Variants in TMEM132B observed in about 807,000 individuals in gnomAD.
TMEM132B encodes transmembrane protein 132B.
A neutral mutation model predicts 90.8 loss-of-function variants in TMEM132B; 18 were observed. The observed-to-expected ratio is 0.20, with a 90% CI of 0.14 to 0.29. TMEM132B has a LOEUF of 0.29. TMEM132B is among the 10% of genes least tolerant of loss of function. The pLI is 1.00. For missense variants in TMEM132B, 1,096 were observed against 1,326.8 expected (o/e 0.83, Z 2.70); for synonymous variants, 504 against 523.3 (o/e 0.96, Z 0.50).
At chr12:125,418,565 G>A (rs539217835) in intron 3 of TMEM132B, among the ~76,000 whole-genome samples, 2 of 152,062 alleles carry the variant, frequency 1.3e-5, no homozygotes, top group Admixed American at 6.5e-5. Context: ...GTACAGGCTC[G>A]TGGACCGTGC....
intron 3 of TMEM132B, among the ~76,000 whole-genome samples, chr12:125,435,860 G>C (rs1221741453): frequency 6.6e-6 from 1 of 151,946 alleles, no homozygotes. Flanking sequence ...AAATGGAGGG[G>C]ACCTCTCCTA....
At chr12:125,424,222 C>G (rs1467070712) in intron 3 of TMEM132B, among the ~76,000 whole-genome samples, 1 of 151,964 alleles carries the variant, frequency 6.6e-6, no homozygotes, top group Admixed American at 6.5e-5. Flanking sequence ...TGTCAAATAT[C>G]TTTGTAGATA....
intron 2 of TMEM132B, among the ~76,000 whole-genome samples, chr12:125,412,252 G>T (rs1879869475): frequency 1.3e-5 from 2 of 152,144 alleles, no homozygotes; most frequent in Non-Finnish European, 2.9e-5. Flanking sequence ...TTAGTTTTGG[G>T]TCAGAATAAA....
chr12:125,497,784 G>T (rs1419663534), intron 3 of TMEM132B, among the ~76,000 whole-genome samples: 2 of 152,198 alleles, frequency 1.3e-5, no homozygotes, highest in Non-Finnish European at 2.9e-5. Flanking sequence ...CTCATTTATT[G>T]ATGAAGCTTT....
At chr12:125,560,392 G>A (rs570397955) in intron 4 of TMEM132B, among the ~76,000 whole-genome samples, 8 of 152,224 alleles carry the variant, frequency 5.3e-5, no homozygotes, top group South Asian at 2.1e-4. Flanking sequence ...AAGTCATTCA[G>A]TCCTGTTCTC....
chr12:125,567,052 C>T (rs1040895706), intron 4 of TMEM132B, among the ~76,000 whole-genome samples: 20 of 151,998 alleles, frequency 1.3e-4, no homozygotes, highest in African/African-American at 4.8e-4. Flanking sequence ...CCATGTAGGC[C>T]AGGCTGGTCT....
At chr12:125,189,932 T>C (rs927772254) in intron 1 of TMEM132B, among the ~76,000 whole-genome samples, 12 of 152,144 alleles carry the variant, frequency 7.9e-5, no homozygotes, top group Admixed American at 2.0e-4. Flanking sequence ...TGAATGGGGA[T>C]GGAGGGGGTC....
chr12:125,395,828 T>C (rs932467503), intron 2 of TMEM132B, among the ~76,000 whole-genome samples: 15 of 152,244 alleles, frequency 9.9e-5, no homozygotes, highest in African/African-American at 3.4e-4. Context: ...TAATTGCCTC[T>C]GCATTTCTCT....
intron 5 of TMEM132B, among the ~76,000 whole-genome samples, chr12:125,636,109 C>CTGT: frequency 6.6e-6 from 1 of 152,154 alleles, no homozygotes; most frequent in Non-Finnish European, 1.5e-5. Context: ...AAGCCAGGTA[C>CTGT]TGTTAGTGCT....
At chr12:125,397,138 A>AT (rs1001607127) in intron 2 of TMEM132B, among the ~76,000 whole-genome samples, 52 of 151,950 alleles carry the variant, frequency 3.4e-4, no homozygotes, top group African/African-American at 1.1e-3. Flanking sequence ...GGCCCGGCTA[A>AT]TTTTTTTGTA....
chr12:125,603,469 T>C (rs1444512690), intron 5 of TMEM132B, among the ~76,000 whole-genome samples: 3 of 152,188 alleles, frequency 2.0e-5, no homozygotes, highest in Non-Finnish European at 4.4e-5. Context: ...ATTAAAGACT[T>C]ACATGTGAAA....
At chr12:125,230,045 A>G (rs1013461761) in intron 1 of TMEM132B, among the ~76,000 whole-genome samples, 1 of 152,232 alleles carries the variant, frequency 6.6e-6, no homozygotes, top group Non-Finnish European at 1.5e-5. Context: ...GGCCGGGAAC[A>G]GGGCGGAGGA....
intron 1 of TMEM132B, among the ~76,000 whole-genome samples, chr12:125,299,253 C>G (rs988470748): frequency 1.3e-5 from 2 of 152,210 alleles, no homozygotes; most frequent in African/African-American, 4.8e-5. Context: ...ACCCCACTGT[C>G]TCTCCAACAC....
chr12:125,449,993 T>C (rs77991830), intron 3 of TMEM132B, among the ~76,000 whole-genome samples: 1,706 of 152,284 alleles, frequency 0.011, 36 homozygotes, highest in African/African-American at 0.039. Flanking sequence ...GACTTATGAT[T>C]TCAAAACTGT....
intron 1 of TMEM132B, among the ~76,000 whole-genome samples, chr12:125,195,749 A>G (rs1872910059): frequency 6.6e-6 from 1 of 151,946 alleles, no homozygotes. Context: ...CTGAACAAAG[A>G]CCTAAAGGGG....
intron 7 of TMEM132B, 50 bp from the exon 8 acceptor site, chr12:125,652,391 T>C (rs769903326): frequency 5.3e-6 from 8 of 1,499,044 alleles, no homozygotes; most frequent in Non-Finnish European, 7.2e-6. Flanking sequence ...AAGGGATTCA[T>C]GGTGCTCATG....
intron 5 of TMEM132B, among the ~76,000 whole-genome samples, chr12:125,639,650 A>G (rs1002530992): frequency 6.6e-6 from 1 of 152,242 alleles, no homozygotes; most frequent in Non-Finnish European, 1.5e-5. Context: ...GGTGCAATTA[A>G]TACAGTTTAA....
At chr12:125,278,788 G>A (rs1413993477) in intron 1 of TMEM132B, among the ~76,000 whole-genome samples, 1 of 152,162 alleles carries the variant, frequency 6.6e-6, no homozygotes, top group Admixed American at 6.5e-5. Flanking sequence ...TAAAAATACA[G>A]CAGAAAAGAA....
At chr12:125,511,155 T>A (rs1002549864) in intron 3 of TMEM132B, among the ~76,000 whole-genome samples, 4 of 152,238 alleles carry the variant, frequency 2.6e-5, no homozygotes, top group African/African-American at 9.6e-5. Flanking sequence ...TGGAGTCATA[T>A]ATCCTCTCTT....
Sources: allele counts gnomAD v4.1 joint callset (sites outside exome capture counted in the v4.1 genomes callset), GRCh38; gene constraint gnomAD v4.1.1; transcripts MANE v1.5; gene names NCBI Gene and HGNC (gene_info 2026-07-23, HGNC 2026-07-21).